PDE11A: variants seen among roughly 807,000 people sequenced by gnomAD.
PDE11A encodes the protein dual 3',5'-cyclic-AMP and -GMP phosphodiesterase 11A.
In PDE11A, 100 loss-of-function variants were observed where a neutral mutation model predicts 100.5. The ratio of observed to expected loss-of-function variants is 1.00; its 90% CI spans 0.85 to 1.18. The LOEUF (loss-of-function observed/expected upper bound fraction) is 1.18. Ranked by LOEUF, PDE11A falls within the 50% of genes most tolerant of loss-of-function variation. The probability of loss-of-function intolerance (pLI) is 0.00; values close to 1 mark genes in which losing one functional copy is unlikely to be tolerated. For missense variants in PDE11A, 1,141 were observed against 1,152.6 expected, an observed-to-expected ratio of 0.99 and a Z score of 0.15; for synonymous variants, 381 against 420.8, an observed-to-expected ratio of 0.91 and a Z score of 1.16.
chr2:177,845,898 C>T lies in PDE11A; in HGVS notation c.1368-5515G>A, dbSNP rs560196587. 4.4e-3 allele frequency among the ~76,000 whole-genome samples: 667 copies of T among 150,786 alleles called. 2 individuals carry two copies. Among genetic ancestry groups the T allele is most frequent in the African/African-American group, 0.016 (642 of 41,292 alleles). On this transcript the variant is annotated intron_variant, in intron 5 of 19. Transcript: ENST00000286063. Reference sequence around the variant, plus strand: ...AGTCAGGCGTGGCGGCGCGTGCCTGCAATCGCAGGCACTCGGCAGGCTGAG... The same window carrying T: ...AGTCAGGCGTGGCGGCGCGTGCCTGTAATCGCAGGCACTCGGCAGGCTGAG...
At chr2:177,891,628 G>T (rs977659980) in intron 4 of PDE11A, among the ~76,000 whole-genome samples, 1 of 152,142 alleles carries the variant, frequency 6.6e-6, no homozygotes, top group Non-Finnish European at 1.5e-5. Context: ...GCAAAAAGCT[G>T]GGTACTCATT....
At chr2:178,016,811 C>T (rs1169097165) in intron 1 of PDE11A, among the ~76,000 whole-genome samples, 11 of 152,092 alleles carry the variant, frequency 7.2e-5, no homozygotes, top group Admixed American at 7.2e-4. Flanking sequence ...AGTCAAAGGT[C>T]AATGTGGCTA....
chr2:177,692,079 A>G (rs757377077), intron 15 of PDE11A, among the ~76,000 whole-genome samples: 2 of 152,172 alleles, frequency 1.3e-5, no homozygotes, highest in African/African-American at 2.4e-5. Context: ...TAATTTTGCC[A>G]CAGTTTCTTT....
intron 2 of PDE11A, among the ~76,000 whole-genome samples, chr2:177,970,708 A>C (rs1037239589): frequency 2.0e-5 from 3 of 152,086 alleles, no homozygotes; most frequent in Non-Finnish European, 4.4e-5. Context: ...CGCTAATGAG[A>C]CTCCCAAGAG....
intron 2 of PDE11A, among the ~76,000 whole-genome samples, chr2:178,087,137 C>A (rs1268633128): frequency 6.6e-6 from 1 of 151,982 alleles, no homozygotes; most frequent in East Asian, 1.9e-4. Context: ...GAGTTCGAAA[C>A]CAGCCTGGCC....
At chr2:178,005,033 C>T (rs181834615) in intron 2 of PDE11A, among the ~76,000 whole-genome samples, 1 of 152,082 alleles carries the variant, frequency 6.6e-6, no homozygotes, top group Admixed American at 6.5e-5. Context: ...TTTCCACATA[C>T]TCTGCAGGAT....
At chr2:177,847,845 C>G (rs192798754) in intron 5 of PDE11A, among the ~76,000 whole-genome samples, 3 of 152,288 alleles carry the variant, frequency 2.0e-5, no homozygotes, top group Admixed American at 1.3e-4. Flanking sequence ...TTTGCCCATA[C>G]CCCTCTCTGT....
chr2:177,985,913 C>A (rs2085933778), intron 2 of PDE11A, among the ~76,000 whole-genome samples: 1 of 152,148 alleles, frequency 6.6e-6, no homozygotes, highest in African/African-American at 2.4e-5. Flanking sequence ...AAAACATAAG[C>A]CAAAGTGATC....
chr2:177,684,056 T>A (rs2080906954), intron 15 of PDE11A, among the ~76,000 whole-genome samples: 1 of 152,242 alleles, frequency 6.6e-6, no homozygotes, highest in South Asian at 2.1e-4. Context: ...CTAACTGGAC[T>A]AATGGAGATC....
rs1403106884 is a variant in PDE11A, at chr2:178,072,030, G to A, written c.408C>T (p.Thr136=). ...ARSKAIHVNR[T]YDEQVTSRAQ... ...CCCGGGAGGTCACCTGTTCATCGTA[G>A]GTCCTGTTCACGTGGATGGCCTTGG... The change falls in exon 1 of 20, where the codon ACC becomes ACT. Residue 136 remains threonine (T), a synonymous_variant. Coordinates refer to ENST00000286063, the MANE Select transcript of PDE11A (RefSeq NM_016953.4). 2 of 1,613,802 alleles carry A rather than the reference G, an allele frequency of 1.2e-6. No homozygotes were observed. Among genetic ancestry groups the A allele is most frequent in the Admixed American group, 1.7e-5 (1 of 60,026 alleles).
rs1559002372 is a variant in PDE11A, at chr2:177,910,418, CTCTCTCTCTCTATA to C, written c.1072-5245_1072-5232del. 1.3e-3 allele frequency among the ~76,000 whole-genome samples: 115 copies of C among 86,300 alleles called. 1 individual carries two copies. Among genetic ancestry groups the C allele is most frequent in the African/African-American group, 7.1e-3 (107 of 14,980 alleles). 56.6% of individuals were successfully genotyped at this position (86,300 alleles called of 152,430 possible). On this transcript the variant is annotated intron_variant, in intron 2 of 19. Coordinates refer to ENST00000286063, the MANE Select transcript of PDE11A (RefSeq NM_016953.4). Reference sequence around the variant, plus strand: ...CAGATGTCTCTCTCTCTCTGTCTCTCTCTCTCTCTCTATATATATATATATATACACACACACAC... The same window carrying C: ...CAGATGTCTCTCTCTCTCTGTCTCTCTATATATATATATACACACACACAC...
intron 4 of PDE11A, among the ~76,000 whole-genome samples, chr2:177,878,277 T>A (rs1394535335): frequency 1.3e-5 from 2 of 152,226 alleles, no homozygotes; most frequent in East Asian, 3.9e-4. Flanking sequence ...TCCCATATTC[T>A]TCTCTTCCAT....
At chr2:178,054,528 C>G (rs1274465150) in intron 1 of PDE11A, among the ~76,000 whole-genome samples, 1 of 152,170 alleles carries the variant, frequency 6.6e-6, no homozygotes, top group Non-Finnish European at 1.5e-5. Context: ...AGCTTCTGCA[C>G]AGCAAAAGAA....
At chr2:177,739,077 C>A (rs2081835307) in intron 10 of PDE11A, among the ~76,000 whole-genome samples, 1 of 152,114 alleles carries the variant, frequency 6.6e-6, no homozygotes, top group African/African-American at 2.4e-5. Context: ...GCTCTTAACG[C>A]ACAAAAGACA....
At chr2:178,095,400 G>T (rs540779096) in intron 2 of PDE11A, among the ~76,000 whole-genome samples, 105 of 152,294 alleles carry the variant, frequency 6.9e-4, no homozygotes, top group Non-Finnish European at 1.2e-3. Flanking sequence ...CTCACATCTG[G>T]GTCACGCTGA....
At chr2:177,730,541 T>C (rs1371437860) in intron 10 of PDE11A, among the ~76,000 whole-genome samples, 1 of 152,038 alleles carries the variant, frequency 6.6e-6, no homozygotes, top group East Asian at 1.9e-4. Flanking sequence ...GTTTTTCATT[T>C]CTCATATTTT....
chr2:177,853,686 GTGTGTGTGTGTGTGTGTGTGTGTGTGTT>G (rs2083767547), intron 5 of PDE11A, among the ~76,000 whole-genome samples: 3 of 36,260 alleles, frequency 8.3e-5, no homozygotes, highest in South Asian at 1.6e-3. Context: ...ATATATGTGT[GTGTGTGTGTGTGTGTGTGTGTGTGTGTT>G]TGTGTGTGTG....
At chr2:178,051,749 A>G (rs1459881734) in intron 1 of PDE11A, among the ~76,000 whole-genome samples, 1 of 152,208 alleles carries the variant, frequency 6.6e-6, no homozygotes, top group Non-Finnish European at 1.5e-5. Flanking sequence ...ACCAACAAAG[A>G]TCAGAAGAGA....
At chr2:178,010,274 G>C in intron 2 of PDE11A, among the ~76,000 whole-genome samples, 1 of 152,182 alleles carries the variant, frequency 6.6e-6, no homozygotes, top group East Asian at 1.9e-4. Flanking sequence ...CTTCCTTTTT[G>C]CTTCCTTGTT....
Sources: allele counts gnomAD v4.1 joint callset (sites outside exome capture counted in the v4.1 genomes callset), GRCh38; gene constraint gnomAD v4.1.1; transcripts MANE v1.5; gene names NCBI Gene and HGNC (gene_info 2026-07-23, HGNC 2026-07-21).